DIP2C: variants seen among roughly 807,000 people sequenced by gnomAD.
The protein encoded by DIP2C is DIP2 acetate--CoA ligase C (putative), also known as disco-interacting protein 2 homolog C.
In DIP2C, 33 loss-of-function variants were observed where a neutral mutation model predicts 192.4. The ratio of observed to expected loss-of-function variants is 0.17; its 90% CI spans 0.13 to 0.23. The LOEUF is 0.23. Among genes scored for constraint, DIP2C ranks in the 10% least tolerant of loss-of-function variants. DIP2C has a pLI of 1.00. For missense variants in DIP2C, 1,537 were observed against 2,110.1 expected, an observed-to-expected ratio of 0.73 and a Z score of 5.32; for synonymous variants, 979 against 864.1, an observed-to-expected ratio of 1.13 and a Z score of -2.33.
chr10:580,719 C>A (rs1850589102), intron 1 of DIP2C, among the ~76,000 whole-genome samples: 1 of 152,208 alleles, frequency 6.6e-6, no homozygotes, highest in Admixed American at 6.5e-5. Context: ...GAAAGGCTTC[C>A]AGTTCCACAT....
intron 1 of DIP2C, among the ~76,000 whole-genome samples, chr10:681,931 C>T (rs1831149589): frequency 6.6e-6 from 1 of 152,254 alleles, no homozygotes; most frequent in Non-Finnish European, 1.5e-5. Context: ...CTCCTAGGAG[C>T]AGAGGCTGCA....
intron 9 of DIP2C, among the ~76,000 whole-genome samples, chr10:404,234 A>G (rs1389672737): frequency 6.8e-6 from 1 of 146,632 alleles, no homozygotes; most frequent in Admixed American, 6.9e-5. Flanking sequence ...TTTGAGACAG[A>G]GTCTTGTTGT....
At chr10:492,374 CCTG>C (rs1197100249) in intron 1 of DIP2C, among the ~76,000 whole-genome samples, 7 of 152,210 alleles carry the variant, frequency 4.6e-5, no homozygotes, top group Non-Finnish European at 1.5e-5. Context: ...TCCACCTGCA[CCTG>C]CTGTGCCCAT....
chr10:466,793 C>A (rs1423190207), intron 3 of DIP2C, among the ~76,000 whole-genome samples: 1 of 146,448 alleles, frequency 6.8e-6, no homozygotes, highest in Non-Finnish European at 1.5e-5. Flanking sequence ...TGCTCATCAT[C>A]ACTGGCCGTC....
chr10:387,800 A>T lies in DIP2C; in HGVS notation c.1607T>A (p.Ile536Asn), dbSNP rs201756167. 1 of 1,614,194 alleles carries T rather than the reference A, an allele frequency of 6.2e-7. No homozygotes were observed. The highest frequency in any genetic ancestry group is 1.7e-5 in the Admixed American group (1 of 60,028). The change falls in exon 14 of 37, where the codon ATT (isoleucine) becomes AAT (asparagine). Residue 536 changes from isoleucine to asparagine, a missense_variant. Physicochemically the swap from Ile to Asn is moderately radical, Grantham distance 149 (BLOSUM62 -3). This residue lies in a region of DIP2C where 677 missense variants were observed against 989.9 expected (regional missense o/e 0.68). Coordinates refer to ENST00000280886, the MANE Select transcript of DIP2C (RefSeq NM_014974.3). ...QACGYTEAET[I>N]VNVLDFKKDV... is the part of the protein sequence containing the mutation. ...CTTCTTGAAATCCAGCACATTCACA[A>T]TGGTTTCAGCTGCACAACAGAGGGA...
chr10:594,807 G>A (rs1044995336), intron 1 of DIP2C, among the ~76,000 whole-genome samples: 18 of 152,236 alleles, frequency 1.2e-4, no homozygotes, highest in Middle Eastern at 3.4e-3. Flanking sequence ...TCGACTCTCC[G>A]GGTTCAGATC....
intron 1 of DIP2C, among the ~76,000 whole-genome samples, chr10:537,494 G>GT (rs1847753957): frequency 6.6e-6 from 1 of 152,150 alleles, no homozygotes; most frequent in South Asian, 2.1e-4. Context: ...GACAACACAA[G>GT]TAACTACGAC....
At chr10:359,919 C>A (rs1959238079) in intron 22 of DIP2C, among the ~76,000 whole-genome samples, 1 of 152,336 alleles carries the variant, frequency 6.6e-6, no homozygotes. Context: ...CTGCGCCTGG[C>A]TGATGAAGCT....
At chr10:412,348 G>A (rs944366680) in intron 8 of DIP2C, among the ~76,000 whole-genome samples, 5 of 152,204 alleles carry the variant, frequency 3.3e-5, no homozygotes, top group Non-Finnish European at 5.9e-5. Flanking sequence ...GCATGTAGGC[G>A]GGGAGGCCTC....
chr10:324,846 A>T, intron 31 of DIP2C: 1 of 480,830 alleles, frequency 2.1e-6, no homozygotes. Context: ...AAACACCAGC[A>T]CGCCAACTCT....
intron 1 of DIP2C, among the ~76,000 whole-genome samples, chr10:548,515 GAGGGAGGC>G (rs1378952462): frequency 1.1e-3 from 159 of 150,742 alleles, no homozygotes; most frequent in African/African-American, 3.7e-3. Context: ...AGGAGGGAGG[GAGGGAGGC>G]AGGCAGGCAG....
intron 19 of DIP2C, among the ~76,000 whole-genome samples, chr10:365,183 CT>C (rs1310301619): frequency 2.6e-5 from 4 of 152,178 alleles, no homozygotes; most frequent in African/African-American, 9.7e-5. Flanking sequence ...TGAATTCACA[CT>C]CAAGAAAGCT....
chr10:674,789 T>TATATATATATATATATAGAGAGAGAG, intron 1 of DIP2C, among the ~76,000 whole-genome samples: 7 of 62,480 alleles, frequency 1.1e-4, no homozygotes, highest in African/African-American at 5.4e-4. Flanking sequence ...TATATATATA[T>TATATATATATATATATAGAGAGAGAG]AGAGAGAGAG....
intron 1 of DIP2C, among the ~76,000 whole-genome samples, chr10:576,726 G>T (rs919842399): frequency 6.6e-6 from 1 of 152,098 alleles, no homozygotes; most frequent in African/African-American, 2.4e-5. Context: ...TGGCCAACAT[G>T]GCAAAACCCC....
At chr10:595,194 C>T (rs758162674) in intron 1 of DIP2C, among the ~76,000 whole-genome samples, 137 of 152,288 alleles carry the variant, frequency 9.0e-4, no homozygotes, top group Non-Finnish European at 1.6e-3. Context: ...AGTCTCAAAA[C>T]AAAGAAAATA....
intron 19 of DIP2C, 28 bp downstream of exon 19, chr10:366,247 G>A: frequency 6.2e-7 from 1 of 1,608,914 alleles, no homozygotes; most frequent in Non-Finnish European, 8.5e-7. Context: ...CACAGATGGT[G>A]CCCATGGTAA....
intron 1 of DIP2C, chr10:667,524 A>G (rs528399768): frequency 6.6e-6 from 1 of 152,494 alleles, no homozygotes; most frequent in African/African-American, 2.4e-5. Context: ...ATGTACTCAT[A>G]CAACATATAC....
intron 1 of DIP2C, among the ~76,000 whole-genome samples, chr10:572,637 G>A (rs1849896152): frequency 6.6e-6 from 1 of 152,190 alleles, no homozygotes; most frequent in South Asian, 2.1e-4. Context: ...TCAACATTCT[G>A]CTCTCCAGTG....
At chr10:511,135 C>T (rs1171805331) in intron 1 of DIP2C, among the ~76,000 whole-genome samples, 1 of 152,212 alleles carries the variant, frequency 6.6e-6, no homozygotes, top group African/African-American at 2.4e-5. Context: ...AAGCCTTGGC[C>T]TGCCCCAGTG....
Sources: gnomAD v4.1 joint callset for allele counts (sites outside exome capture counted in the v4.1 genomes callset) on GRCh38, gnomAD v4.1.1 for gene constraint, gnomAD v4.1.1 regional missense constraint, MANE v1.5 for transcripts, NCBI Gene and HGNC (gene_info 2026-07-23, HGNC 2026-07-21) for gene names.